INSL6: variants seen among roughly 807,000 people sequenced by gnomAD.
INSL6 encodes insulin like 6.
In INSL6, 16 loss-of-function variants were observed where a neutral mutation model predicts 9.4. The observed-to-expected ratio is 1.70, with a 90% confidence interval of 1.15 to 2.59. The LOEUF is 2.59. Ranked by LOEUF, INSL6 falls within the 30% of genes most tolerant of loss-of-function variation. The pLI, the probability that INSL6 is intolerant of heterozygous loss-of-function variation, is 0.00. For synonymous variants in INSL6, 154 were observed against 96.9 expected, an observed-to-expected ratio of 1.59 and a Z score of -3.46; for missense variants, 391 against 257.3, an observed-to-expected ratio of 1.52 and a Z score of -3.56.
downstream of INSL6, chr9:5,122,926 T>C (rs1823722355): frequency 2.3e-6 from 2 of 855,582 alleles, no homozygotes. Context: ...TTTTTTAATT[T>C]ATACAATGAT....
the INSL6 span, among the ~76,000 whole-genome samples, chr9:5,092,416 G>C: frequency 6.6e-6 from 1 of 152,046 alleles, no homozygotes; most frequent in Non-Finnish European, 1.5e-5. Context: ...ACAAAGTGTC[G>C]CTTAACCCAA....
chr9:5,103,075 C>A, the INSL6 span, among the ~76,000 whole-genome samples: 1 of 151,478 alleles, frequency 6.6e-6, no homozygotes, highest in East Asian at 1.9e-4. Context: ...GGGATGAATG[C>A]CCCAATTAAA....
the INSL6 span, among the ~76,000 whole-genome samples, chr9:5,083,327 G>A: frequency 6.6e-6 from 1 of 152,180 alleles, no homozygotes; most frequent in Non-Finnish European, 1.5e-5. Context: ...ACCAGGGAAT[G>A]CTCAGTTCTT....
chr9:5,077,578 CTAGTAAGTAG>C, the INSL6 span: 1 of 1,475,954 alleles, frequency 6.8e-7, no homozygotes, highest in Non-Finnish European at 9.0e-7. Flanking sequence ...CATGCATTTT[CTAGTAAGTAG>C]TACAACCTTT....
chr9:5,002,520 A>T, the INSL6 span, among the ~76,000 whole-genome samples: 1 of 152,056 alleles, frequency 6.6e-6, no homozygotes, highest in East Asian at 1.9e-4. Context: ...GTCTTTTCAA[A>T]TGTTTGAGAA....
the INSL6 span, among the ~76,000 whole-genome samples, chr9:5,018,831 C>T: frequency 1.1e-4 from 16 of 152,122 alleles, no homozygotes; most frequent in Admixed American, 4.6e-4. Flanking sequence ...TTTCATATAT[C>T]GTTCCATTCT....
At chr9:4,996,314 G>A in the INSL6 span, among the ~76,000 whole-genome samples, 1 of 152,122 alleles carries the variant, frequency 6.6e-6, no homozygotes, top group Non-Finnish European at 1.5e-5. Context: ...CAGGTGTGGT[G>A]GTGCATGCCT....
chr9:5,090,559 C>A, the INSL6 span: 1 of 1,576,068 alleles, frequency 6.3e-7, no homozygotes, highest in South Asian at 1.2e-5. Flanking sequence ...GTACACATCT[C>A]AGATATGCAA....
intron 2 of INSL6, among the ~76,000 whole-genome samples, chr9:5,146,457 C>A (rs532777530): frequency 7.2e-5 from 11 of 152,294 alleles, no homozygotes; most frequent in Non-Finnish European, 1.0e-4. Flanking sequence ...GTGTGCACTG[C>A]TGCACTGGAA....
the INSL6 span, chr9:5,107,827 A>G: frequency 6.6e-6 from 1 of 152,254 alleles, no homozygotes; most frequent in Admixed American, 6.5e-5. Flanking sequence ...TTATCCTCCT[A>G]GTATTTGCTG....
the INSL6 span, among the ~76,000 whole-genome samples, chr9:5,038,587 G>C: frequency 2.4e-5 from 3 of 126,028 alleles, no homozygotes; most frequent in Non-Finnish European, 4.8e-5. Flanking sequence ...GAAGTGTTTT[G>C]GATTTTAGAT....
At chr9:5,039,072 A>G in the INSL6 span, among the ~76,000 whole-genome samples, 1 of 152,292 alleles carries the variant, frequency 6.6e-6, no homozygotes, top group East Asian at 1.9e-4. Flanking sequence ...GAAAGACTGA[A>G]TGCCTTTTCC....
chr9:5,030,143 C>T, the INSL6 span, among the ~76,000 whole-genome samples: 3 of 152,072 alleles, frequency 2.0e-5, no homozygotes, highest in African/African-American at 7.2e-5. Flanking sequence ...CACTTAACTC[C>T]TTATGATTAT....
At chr9:5,128,222 G>A (rs538049243) in intron 3 of INSL6, 1 of 230,930 alleles carries the variant, frequency 4.3e-6, no homozygotes, top group Admixed American at 5.6e-5. Flanking sequence ...AAGTTGTACT[G>A]AAGACTTCTG....
At chr9:5,135,421 C>G (rs1824372059) in intron 2 of INSL6, among the ~76,000 whole-genome samples, 1 of 152,180 alleles carries the variant, frequency 6.6e-6, no homozygotes. Flanking sequence ...TCATAACAGT[C>G]TCTCATATCA....
intron 1 of INSL6, among the ~76,000 whole-genome samples, chr9:5,182,564 A>G (rs2130923875): frequency 6.6e-6 from 1 of 152,244 alleles, no homozygotes; most frequent in Admixed American, 6.5e-5. Context: ...CTAACACATG[A>G]TAGGTACTCA....
intron 3 of INSL6, among the ~76,000 whole-genome samples, chr9:5,130,941 G>C (rs369929734): frequency 6.6e-6 from 1 of 151,258 alleles, no homozygotes; most frequent in South Asian, 2.1e-4. Flanking sequence ...GTGTTAGCCA[G>C]GATGGTCTCG....
chr9:5,139,978 G>C (rs897058569), intron 2 of INSL6, among the ~76,000 whole-genome samples: 2 of 152,076 alleles, frequency 1.3e-5, no homozygotes, highest in African/African-American at 4.8e-5. Context: ...AGACTGAAAT[G>C]TATCTTTAGA....
chr9:5,043,945 G>T, the INSL6 span, among the ~76,000 whole-genome samples: 1 of 152,154 alleles, frequency 6.6e-6, no homozygotes, highest in Non-Finnish European at 1.5e-5. Context: ...GGACTTTATG[G>T]TATGTGAATT....
Sources: gnomAD v4.1 joint callset for allele counts (sites outside exome capture counted in the v4.1 genomes callset) on GRCh38, gnomAD v4.1.1 for gene constraint, MANE v1.5 for transcripts, NCBI Gene and HGNC (gene_info 2026-07-23, HGNC 2026-07-21) for gene names.